Variants in SLC7A14 observed in about 807,000 individuals in gnomAD.
The protein encoded by SLC7A14 is solute carrier family 7 member 14.
A neutral mutation model predicts 60.2 loss-of-function variants in SLC7A14; 37 were observed. The observed-to-expected ratio is 0.61, with a 90% CI of 0.47 to 0.81. The LOEUF (loss-of-function observed/expected upper bound fraction) is 0.81, where lower values mean the gene tolerates loss of function less well. Among genes scored for constraint, SLC7A14 ranks in the 30% least tolerant of loss-of-function variants. The pLI, the probability that SLC7A14 is intolerant of heterozygous loss-of-function variation, is 0.00. For missense variants in SLC7A14, 886 were observed against 982.7 expected, an observed-to-expected ratio of 0.90 and a Z score of 1.32; for synonymous variants, 399 against 395.8, an observed-to-expected ratio of 1.01 and a Z score of -0.10.
chr3:170,533,146 G>T (rs1162901986), intron 1 of SLC7A14, among the ~76,000 whole-genome samples: 1 of 152,130 alleles, frequency 6.6e-6, no homozygotes, highest in East Asian at 1.9e-4. Flanking sequence ...TTTGATGGTG[G>T]ATCCTCTCCT....
chr3:170,547,108 C>T (rs1714203637), intron 1 of SLC7A14, among the ~76,000 whole-genome samples: 1 of 152,106 alleles, frequency 6.6e-6, no homozygotes, highest in African/African-American at 2.4e-5. Flanking sequence ...ATTGTCAAGA[C>T]ACCATACCCC....
At chr3:170,537,430 C>A (rs1713881804) in intron 1 of SLC7A14, among the ~76,000 whole-genome samples, 1 of 152,132 alleles carries the variant, frequency 6.6e-6, no homozygotes, top group South Asian at 2.1e-4. Flanking sequence ...CTGCAGAGTC[C>A]CCTTTGTCAT....
At chr3:170,494,320 C>G (rs1200283213) in intron 4 of SLC7A14, among the ~76,000 whole-genome samples, 1 of 152,224 alleles carries the variant, frequency 6.6e-6, no homozygotes, top group Admixed American at 6.5e-5. Context: ...GAAAAGCGTC[C>G]TTCATTTCTT....
chr3:170,507,636 G>A (rs1712823545), intron 2 of SLC7A14, among the ~76,000 whole-genome samples: 1 of 152,182 alleles, frequency 6.6e-6, no homozygotes, highest in Non-Finnish European at 1.5e-5. Flanking sequence ...TGCAGAGGTG[G>A]ACTGAGATCA....
At chr3:170,481,821 G>T (rs756815550) in intron 6 of SLC7A14, among the ~76,000 whole-genome samples, 1 of 152,164 alleles carries the variant, frequency 6.6e-6, no homozygotes, top group African/African-American at 2.4e-5. Context: ...CAGGCTCTGC[G>T]TGAAAAAGTG....
At chr3:170,528,618 C>G (rs1218388430) in intron 1 of SLC7A14, among the ~76,000 whole-genome samples, 2 of 152,178 alleles carry the variant, frequency 1.3e-5, no homozygotes, top group South Asian at 4.1e-4. Flanking sequence ...GTTTGGGTGA[C>G]AGCCTTTCTG....
chr3:170,504,015 A>G (rs953488717), intron 2 of SLC7A14, among the ~76,000 whole-genome samples: 26 of 152,206 alleles, frequency 1.7e-4, no homozygotes, highest in Non-Finnish European at 3.5e-4. Context: ...ACCATACAAG[A>G]CAATTTCTGC....
intron 1 of SLC7A14, among the ~76,000 whole-genome samples, chr3:170,577,926 C>T (rs965286515): frequency 2.0e-5 from 3 of 152,102 alleles, no homozygotes; most frequent in Non-Finnish European, 4.4e-5. Flanking sequence ...GAGAAGAAAA[C>T]GATTTTCACA....
At chr3:170,556,681 A>G (rs994771079) in intron 1 of SLC7A14, among the ~76,000 whole-genome samples, 1 of 152,232 alleles carries the variant, frequency 6.6e-6, no homozygotes, top group African/African-American at 2.4e-5. Context: ...CACAGAGAAC[A>G]TTGAGTTGCT....
At chr3:170,543,541 C>A (rs1235146669) in intron 1 of SLC7A14, among the ~76,000 whole-genome samples, 1 of 151,568 alleles carries the variant, frequency 6.6e-6, no homozygotes, top group South Asian at 2.1e-4. Flanking sequence ...CCCAGCTACT[C>A]GGGAGGCTGA....
In SLC7A14 at chr3:170,535,423, T is replaced by C. The variant is rs1713809505; in HGVS notation, c.-152-8335A>G. 6.6e-6 allele frequency among the ~76,000 whole-genome samples: 1 copy of C among 152,050 alleles called. No homozygotes were observed. The highest frequency in any genetic ancestry group is 1.9e-4 in the East Asian group (1 of 5,192). ...GCAAAAGTATTTAATGAGTTCCCGGTGTGTGTTTAGTTCAATGGTAGCTGT... is the reference window on the plus strand; with the variant it reads ...GCAAAAGTATTTAATGAGTTCCCGGCGTGTGTTTAGTTCAATGGTAGCTGT... On this transcript the variant is annotated intron_variant, in intron 1 of 7. Coordinates refer to ENST00000231706, the MANE Select transcript of SLC7A14 (RefSeq NM_020949.3). The surrounding 1 kb of genome is among the most constrained non-coding windows in gnomAD (Gnocchi z 4.3).
At chr3:170,568,873 T>A (rs576540401) in intron 1 of SLC7A14, among the ~76,000 whole-genome samples, 2,778 of 152,136 alleles carry the variant, frequency 0.018, 85 homozygotes, top group African/African-American at 0.064. Context: ...ATCCTGAGAC[T>A]CTGCTGAAGT....
intron 1 of SLC7A14, among the ~76,000 whole-genome samples, chr3:170,567,558 G>T (rs1448274700): frequency 3.6e-4 from 55 of 151,416 alleles, no homozygotes; most frequent in Admixed American, 9.9e-4. Flanking sequence ...GGTATTTCTA[G>T]TTCTAGATCC....
chr3:170,564,195 G>A (rs1447157554), intron 1 of SLC7A14, among the ~76,000 whole-genome samples: 8 of 152,196 alleles, frequency 5.3e-5, no homozygotes, highest in Non-Finnish European at 8.8e-5. Flanking sequence ...CTGACCAGTG[G>A]GGAATTGCAG....
intron 1 of SLC7A14, among the ~76,000 whole-genome samples, chr3:170,540,320 A>G (rs1225081108): frequency 6.6e-6 from 1 of 152,218 alleles, no homozygotes; most frequent in Non-Finnish European, 1.5e-5. Context: ...AGTTAGGTTT[A>G]GAGCTATACT....
chr3:170,529,116 G>A (rs1224380786), intron 1 of SLC7A14, among the ~76,000 whole-genome samples: 8 of 152,100 alleles, frequency 5.3e-5, no homozygotes, highest in Non-Finnish European at 8.8e-5. Flanking sequence ...CACAAACATC[G>A]CATATCTATT....
At chr3:170,571,715 A>G (rs536627713) in intron 1 of SLC7A14, among the ~76,000 whole-genome samples, 103 of 152,332 alleles carry the variant, frequency 6.8e-4, no homozygotes, top group African/African-American at 2.4e-3. Flanking sequence ...ATGAATAACT[A>G]AATGAATAAA....
At chr3:170,517,450 A>G (rs768206793) in intron 2 of SLC7A14, among the ~76,000 whole-genome samples, 17 of 152,222 alleles carry the variant, frequency 1.1e-4, no homozygotes, top group Non-Finnish European at 1.9e-4. Flanking sequence ...TGTGGAATGA[A>G]TGACTAATCC....
chr3:170,579,901 G>A (rs1715190268), intron 1 of SLC7A14, among the ~76,000 whole-genome samples: 1 of 152,294 alleles, frequency 6.6e-6, no homozygotes, highest in South Asian at 2.1e-4. Context: ...CAAGGCCCTT[G>A]GGCTGATTTG....
Sources: allele counts gnomAD v4.1 joint callset (sites outside exome capture counted in the v4.1 genomes callset), GRCh38; gene constraint gnomAD v4.1.1; non-coding constraint Gnocchi (gnomAD v3.1); transcripts MANE v1.5; gene names NCBI Gene and HGNC (gene_info 2026-07-23, HGNC 2026-07-21).